Variants in ZC3H12B observed in about 807,000 individuals in gnomAD.
The protein encoded by ZC3H12B is probable ribonuclease ZC3H12B.
In ZC3H12B, 7 loss-of-function variants were observed where a neutral mutation model predicts 43.9. The observed-to-expected ratio is 0.16, with a 90% CI of 0.09 to 0.30. The LOEUF (loss-of-function observed/expected upper bound fraction) is 0.30, where lower values mean the gene tolerates loss of function less well. Ranked by LOEUF, ZC3H12B falls within the 10% of genes least tolerant of loss-of-function variation. The pLI is 1.00. For missense variants in ZC3H12B, 475 were observed against 670.2 expected, an observed-to-expected ratio of 0.71 and a Z score of 3.22; for synonymous variants, 222 against 241.7, an observed-to-expected ratio of 0.92 and a Z score of 0.76.
chrX:65,122,455 G>T, the ZC3H12B span, among the ~76,000 whole-genome samples: 1 of 111,033 alleles, frequency 9.0e-6, no homozygotes, highest in African/African-American at 3.3e-5. Context: ...GACCATCGAG[G>T]CTAGGAGGAA....
the ZC3H12B span, among the ~76,000 whole-genome samples, chrX:65,085,718 G>C: frequency 9.1e-6 from 1 of 109,512 alleles, no homozygotes; most frequent in Admixed American, 9.8e-5. Context: ...GTTACAGTGA[G>C]CTATGATTGT....
intron 3 of ZC3H12B, among the ~76,000 whole-genome samples, chrX:65,421,222 A>T (rs906222862): frequency 4.4e-5 from 5 of 112,487 alleles, no homozygotes; most frequent in Non-Finnish European, 7.5e-5. Flanking sequence ...AAGTCAAATT[A>T]TCTGTTCTAT....
At chrX:65,462,479 G>A (rs1029456809) in intron 3 of ZC3H12B, among the ~76,000 whole-genome samples, 1 of 110,801 alleles carries the variant, frequency 9.0e-6, no homozygotes, top group Non-Finnish European at 1.9e-5. Context: ...TGTGCCTGAG[G>A]GACAAAGCAA....
chrX:65,277,888 CAATA>C, the ZC3H12B span, among the ~76,000 whole-genome samples: 4 of 109,071 alleles, frequency 3.7e-5, no homozygotes, highest in African/African-American at 1.3e-4. Context: ...ATGAAATTGA[CAATA>C]AAGAATATAA....
the ZC3H12B span, among the ~76,000 whole-genome samples, chrX:65,113,077 A>G: frequency 9.0e-6 from 1 of 111,459 alleles, no homozygotes; most frequent in Non-Finnish European, 1.9e-5. Context: ...TCCAACCCTT[A>G]TGGATGACAT....
At chrX:65,188,636 A>G in the ZC3H12B span, among the ~76,000 whole-genome samples, 1 of 110,277 alleles carries the variant, frequency 9.1e-6, no homozygotes, top group African/African-American at 3.3e-5. Flanking sequence ...TGTCAGTTAC[A>G]TTTATTCTTA....
chrX:65,231,705 C>T, the ZC3H12B span, among the ~76,000 whole-genome samples: 11 of 111,062 alleles, frequency 9.9e-5, no homozygotes, highest in Non-Finnish European at 1.5e-4. Context: ...TGCCCGACCC[C>T]GCAGGCAGTC....
chrX:65,274,819 A>T, the ZC3H12B span, among the ~76,000 whole-genome samples: 1 of 111,466 alleles, frequency 9.0e-6, no homozygotes. Context: ...TCTTGCAGGA[A>T]GTCCCCCAGT....
chrX:65,317,463 T>C, the ZC3H12B span, among the ~76,000 whole-genome samples: 1 of 109,848 alleles, frequency 9.1e-6, no homozygotes, highest in African/African-American at 3.3e-5. Flanking sequence ...TTTGTGAGAT[T>C]TTGGTGCACC....
At chrX:65,154,679 A>T in the ZC3H12B span, among the ~76,000 whole-genome samples, 1 of 111,073 alleles carries the variant, frequency 9.0e-6, no homozygotes, top group African/African-American at 3.3e-5. Context: ...TGAGACCCCC[A>T]TCTCTACAAA....
chrX:65,300,409 G>T, the ZC3H12B span, among the ~76,000 whole-genome samples: 2 of 111,229 alleles, frequency 1.8e-5, no homozygotes, highest in African/African-American at 6.5e-5. Context: ...CTCATCTGAC[G>T]ACCTGTATGA....
chrX:65,118,005 A>G, the ZC3H12B span, among the ~76,000 whole-genome samples: 1 of 111,686 alleles, frequency 9.0e-6, no homozygotes, highest in Non-Finnish European at 1.9e-5. Flanking sequence ...TGATGCCTCC[A>G]GCTTTGTTCT....
the ZC3H12B span, among the ~76,000 whole-genome samples, chrX:65,160,081 A>G: frequency 1.8e-5 from 2 of 112,071 alleles, no homozygotes; most frequent in Non-Finnish European, 3.8e-5. Context: ...ATTTGTGTAT[A>G]TTGAACCAGC....
the ZC3H12B span, among the ~76,000 whole-genome samples, chrX:65,160,422 A>T: frequency 5.4e-5 from 6 of 111,961 alleles, no homozygotes; most frequent in African/African-American, 1.6e-4. Context: ...GCTATTGATT[A>T]TTGCCACAGC....
chrX:65,343,261 G>A, the ZC3H12B span, among the ~76,000 whole-genome samples: 1 of 111,637 alleles, frequency 9.0e-6, no homozygotes, highest in East Asian at 2.8e-4. Context: ...AGAAGAGCTG[G>A]TACCATTCCT....
At chrX:65,039,076 A>G in the ZC3H12B span, among the ~76,000 whole-genome samples, 1 of 111,850 alleles carries the variant, frequency 8.9e-6, no homozygotes, top group Non-Finnish European at 1.9e-5. Flanking sequence ...AGTGGAGACT[A>G]CCATTCCTTC....
chrX:65,204,663 G>T, the ZC3H12B span, among the ~76,000 whole-genome samples: 1 of 111,909 alleles, frequency 8.9e-6, no homozygotes, highest in Non-Finnish European at 1.9e-5. Flanking sequence ...TATTTACAAA[G>T]TGGTAGCCTT....
chrX:65,468,067 T>A (rs186758734), intron 3 of ZC3H12B, among the ~76,000 whole-genome samples: 94 of 112,289 alleles, frequency 8.4e-4, no homozygotes, highest in African/African-American at 3.0e-3. Flanking sequence ...TGTTTTCTTC[T>A]AGAATTTTTA....
chrX:65,116,753 C>A, the ZC3H12B span, among the ~76,000 whole-genome samples: 1 of 109,564 alleles, frequency 9.1e-6, no homozygotes, highest in Non-Finnish European at 1.9e-5. Flanking sequence ...GTGTGATGTT[C>A]CCCACCCTGT....
Sources: allele counts gnomAD v4.1 joint callset (sites outside exome capture counted in the v4.1 genomes callset), GRCh38; gene constraint gnomAD v4.1.1; transcripts MANE v1.5; gene names NCBI Gene and HGNC (gene_info 2026-07-23, HGNC 2026-07-21).